PGBD2: variants seen among roughly 807,000 people sequenced by gnomAD.
PGBD2 encodes piggyBac transposable element derived 2.
Under a neutral mutation model 8.1 loss-of-function variants are expected in PGBD2, and 6 were observed. The ratio of observed to expected loss-of-function variants is 0.74; its 90% CI spans 0.40 to 1.46. PGBD2 has a LOEUF of 1.46. PGBD2 is among the 40% of genes most tolerant of loss of function. The pLI, the probability that PGBD2 is intolerant of heterozygous loss-of-function variation, is 0.02. For synonymous variants in PGBD2, 318 were observed against 272.2 expected, an observed-to-expected ratio of 1.17 and a Z score of -1.66; for missense variants, 802 against 739.0, an observed-to-expected ratio of 1.09 and a Z score of -0.99.
chr1:248,878,855 A>T, the PGBD2 span, among the ~76,000 whole-genome samples: 5 of 152,336 alleles, frequency 3.3e-5, no homozygotes, highest in Non-Finnish European at 5.9e-5. Context: ...TTGCTATGCC[A>T]GTCTCTGTAT....
At chr1:248,929,733 C>G in the PGBD2 span, among the ~76,000 whole-genome samples, 274 of 152,222 alleles carry the variant, frequency 1.8e-3, 1 homozygote, top group African/African-American at 5.9e-3. Flanking sequence ...CAAATCATAG[C>G]GAGTTAAAGG....
downstream of PGBD2, among the ~76,000 whole-genome samples, chr1:248,923,179 G>C (rs1487857567): frequency 1.3e-5 from 2 of 152,158 alleles, no homozygotes; most frequent in Admixed American, 1.3e-4. Flanking sequence ...TCCTGGTTTA[G>C]ACTTGGGAGG....
downstream of PGBD2, among the ~76,000 whole-genome samples, chr1:248,922,061 TC>T (rs1662296022): frequency 6.7e-6 from 1 of 150,026 alleles, no homozygotes; most frequent in Non-Finnish European, 1.5e-5. Flanking sequence ...TTTTCTTTTT[TC>T]TTTTTTTTTT....
chr1:248,883,418 G>T, the PGBD2 span, among the ~76,000 whole-genome samples: 4,276 of 151,850 alleles, frequency 0.028, 103 homozygotes, highest in South Asian at 0.086. Context: ...CACTGCACCC[G>T]GTCCTTTGCC....
chr1:248,920,308 C>A (rs1662258590), downstream of PGBD2, among the ~76,000 whole-genome samples: 1 of 152,076 alleles, frequency 6.6e-6, no homozygotes, highest in African/African-American at 2.4e-5. Flanking sequence ...AGCCCCCCAC[C>A]CCCTGACAGG....
the PGBD2 span, among the ~76,000 whole-genome samples, chr1:248,929,611 G>A: frequency 3.9e-5 from 6 of 152,302 alleles, no homozygotes; most frequent in African/African-American, 1.2e-4. Context: ...CCTAGCAGAT[G>A]AGCCACGTGG....
At chr1:248,881,000 G>T in the PGBD2 span, among the ~76,000 whole-genome samples, 21 of 152,142 alleles carry the variant, frequency 1.4e-4, no homozygotes, top group Admixed American at 1.2e-3. Flanking sequence ...CTCCCACCAG[G>T]TTACTTAAGG....
At position 248,918,415 on chromosome 1, in the gene PGBD2, C is replaced by A; in HGVS notation, c.*52C>A. 6.7e-7 allele frequency: 1 copy of A among 1,491,320 alleles called. No individual in the cohort carries two copies. The highest frequency in any genetic ancestry group is 9.0e-7 in the Non-Finnish European group (1 of 1,114,068). The allele number at this position is 1,491,320 out of a possible 1,614,324, so 92.4% of individuals were successfully genotyped here. A position where few individuals can be genotyped will look rare whatever the true frequency, so the allele number is the denominator to read the frequency against. On this transcript the variant is annotated 3_prime_UTR_variant, in exon 3 of 3. Transcript: ENST00000329291. ...ATAATGAGATGTTTACAGTTAAATACAGATGGCAGTTGAGCACTTCTGTTT... is the reference window on the plus strand; with the variant it reads ...ATAATGAGATGTTTACAGTTAAATAAAGATGGCAGTTGAGCACTTCTGTTT...
At chr1:248,926,834 C>A in the PGBD2 span, among the ~76,000 whole-genome samples, 1 of 152,092 alleles carries the variant, frequency 6.6e-6, no homozygotes, top group Admixed American at 6.5e-5. Flanking sequence ...TAAGGAAAAT[C>A]TTTATGCTAA....
intron 2 of PGBD2, chr1:248,914,639 T>A: frequency 7.9e-7 from 1 of 1,267,060 alleles, no homozygotes; most frequent in Non-Finnish European, 1.0e-6. Context: ...GGTTGGGGCC[T>A]GCAAAGGGGC....
chr1:248,916,764 G>C lies in PGBD2; in HGVS notation c.180G>C (p.Gly60=), dbSNP rs1347483973. ...GGGAATTCACTGATGAGGACTCAGG[G>C]GATGAAGACAGCCAGCGAGGTGCTC... is the stretch of plus-strand genomic sequence containing the variant. ...AAGEFTDEDS[G]DEDSQRGAHL... Residue 60 remains glycine, a synonymous_variant, in exon 3 of 3, where the codon GGG becomes GGC. Coordinates refer to ENST00000329291, the MANE Select transcript of PGBD2 (RefSeq NM_170725.3). 1 of 1,614,168 alleles carries C rather than the reference G, an allele frequency of 6.2e-7. No homozygotes were observed. Among genetic ancestry groups the C allele is most frequent in the Admixed American group, 1.7e-5 (1 of 60,020 alleles).
chr1:248,874,888 A>T, the PGBD2 span, among the ~76,000 whole-genome samples: 1 of 150,210 alleles, frequency 6.7e-6, no homozygotes, highest in African/African-American at 2.5e-5. Context: ...TCCAAGGTAG[A>T]TAGATAGGTA....
At chr1:248,905,228 G>T (rs548197390), upstream of PGBD2, among the ~76,000 whole-genome samples, 1 of 152,136 alleles carries the variant, frequency 6.6e-6, no homozygotes, top group African/African-American at 2.4e-5. Flanking sequence ...ACACTTTACA[G>T]TGACCAAAAA....
chr1:248,927,911 C>G, the PGBD2 span, among the ~76,000 whole-genome samples: 2 of 152,128 alleles, frequency 1.3e-5, no homozygotes, highest in African/African-American at 4.8e-5. Context: ...ACTTCATGAA[C>G]CAAAACCAAA....
the PGBD2 span, among the ~76,000 whole-genome samples, chr1:248,900,165 G>A: frequency 2.7e-5 from 4 of 150,334 alleles, no homozygotes; most frequent in East Asian, 7.8e-4. Context: ...GGTGTAAAGA[G>A]GAGCTGGTAA....
At chr1:248,886,060 G>A in the PGBD2 span, among the ~76,000 whole-genome samples, 155 of 152,228 alleles carry the variant, frequency 1.0e-3, no homozygotes, top group Non-Finnish European at 1.6e-3. Context: ...CGTGTCTTAT[G>A]ATATTTTGTG....
At chr1:248,888,713 C>A in the PGBD2 span, among the ~76,000 whole-genome samples, 1 of 152,058 alleles carries the variant, frequency 6.6e-6, no homozygotes, top group African/African-American at 2.4e-5. Context: ...TTGATAGTTT[C>A]TTTTTCTGTG....
chr1:248,921,106 T>G (rs957304958), downstream of PGBD2, among the ~76,000 whole-genome samples: 5 of 152,174 alleles, frequency 3.3e-5, no homozygotes, highest in African/African-American at 1.2e-4. Flanking sequence ...TTCAGTCTGA[T>G]GATAGTTTAT....
At chr1:248,888,653 T>G in the PGBD2 span, among the ~76,000 whole-genome samples, 10 of 152,294 alleles carry the variant, frequency 6.6e-5, no homozygotes, top group African/African-American at 2.4e-4. Flanking sequence ...TTGTCAGATG[T>G]ATAATTTGTG....
Sources: allele counts gnomAD v4.1 joint callset (sites outside exome capture counted in the v4.1 genomes callset), GRCh38; gene constraint gnomAD v4.1.1; transcripts MANE v1.5; gene names NCBI Gene and HGNC (gene_info 2026-07-23, HGNC 2026-07-21).